Variants in PHLDB2 observed in about 807,000 individuals in gnomAD.
PHLDB2 encodes the protein pleckstrin homology like domain family B member 2.
In PHLDB2, 71 loss-of-function variants were observed where a neutral mutation model predicts 123.6. The ratio of observed to expected loss-of-function variants is 0.57; its 90% CI spans 0.47 to 0.70. PHLDB2 has a LOEUF of 0.70. Ranked by LOEUF, PHLDB2 falls within the 30% of genes least tolerant of loss-of-function variation. The probability of loss-of-function intolerance (pLI) is 0.00; values close to 1 mark genes in which losing one functional copy is unlikely to be tolerated. For synonymous variants in PHLDB2, 547 were observed against 541.6 expected (o/e 1.01, Z -0.14); for missense variants, 1,446 against 1,519.5 (o/e 0.95, Z 0.80).
chr3:111,752,647 TTTATTTTA>T (rs1439214916), intron 1 of PHLDB2, among the ~76,000 whole-genome samples: 3 of 151,478 alleles, frequency 2.0e-5, no homozygotes, highest in African/African-American at 7.3e-5. Context: ...ATTATTTTAT[TTTATTTTA>T]TTATTATTAT....
chr3:111,868,973 A>G (rs1010465117), intron 1 of PHLDB2, among the ~76,000 whole-genome samples: 2 of 152,224 alleles, frequency 1.3e-5, no homozygotes, highest in African/African-American at 2.4e-5. Flanking sequence ...AAAAATCCCT[A>G]TGATTGATGG....
intron 2 of PHLDB2, among the ~76,000 whole-genome samples, chr3:111,895,240 G>C (rs1026164139): frequency 2.6e-5 from 4 of 152,122 alleles, no homozygotes; most frequent in Non-Finnish European, 5.9e-5. Flanking sequence ...CAAACCCTCT[G>C]TTCTTATAGT....
At chr3:111,887,544 T>G (rs10934118) in intron 2 of PHLDB2, among the ~76,000 whole-genome samples, 69,459 of 152,030 alleles carry the variant, frequency 0.46, 16,752 homozygotes, top group East Asian at 0.68. Flanking sequence ...TAATATTTCA[T>G]TTAGTTTGCA....
rs192080319 is a variant in PHLDB2 at position 111,775,585 on chromosome 3, A to G, written c.-49+42882A>G. On this transcript the variant is annotated intron_variant, in intron 1 of 17. Coordinates refer to the PHLDB2 transcript ENST00000393923. ...GGTCATCCTTCCTAGACCTTTTCCT[A>G]ATTGTTCCATTTTGTAATGTCATTC... Among the ~76,000 whole-genome samples the G allele has an allele frequency of 2.6e-4, 40 of 152,268 alleles. No homozygotes were observed. In the East Asian group the frequency reaches 3.3e-3, roughly 12 times the overall value.
chr3:111,793,090 C>T (rs1415665603), intron 1 of PHLDB2, among the ~76,000 whole-genome samples: 1 of 152,176 alleles, frequency 6.6e-6, no homozygotes, highest in Non-Finnish European at 1.5e-5. Flanking sequence ...GTGCCAAATC[C>T]AGCCAGGCTT....
intron 1 of PHLDB2, among the ~76,000 whole-genome samples, chr3:111,866,013 C>CTTTTT: frequency 2.1e-5 from 1 of 47,670 alleles, no homozygotes; most frequent in South Asian, 8.6e-4. Context: ...CCCACCCACT[C>CTTTTT]ATTTTTTTTT....
intron 2 of PHLDB2, among the ~76,000 whole-genome samples, chr3:111,886,436 GA>G (rs1329676934): frequency 1.1e-4 from 15 of 139,096 alleles, no homozygotes; most frequent in Admixed American, 9.1e-4. Flanking sequence ...AACATTATGA[GA>G]TTTTTTTTGC....
At chr3:111,773,333 T>C (rs898210265) in intron 1 of PHLDB2, among the ~76,000 whole-genome samples, 1 of 152,196 alleles carries the variant, frequency 6.6e-6, no homozygotes, top group East Asian at 1.9e-4. Context: ...CATTAAAGTA[T>C]GAGAGCTATT....
chr3:111,865,247 G>T (rs755904349), intron 1 of PHLDB2, among the ~76,000 whole-genome samples: 1 of 152,142 alleles, frequency 6.6e-6, no homozygotes, highest in African/African-American at 2.4e-5. Flanking sequence ...TGGGAATGCA[G>T]ACAAAACCTT....
At chr3:111,819,076 G>T (rs2062240599) in intron 1 of PHLDB2, among the ~76,000 whole-genome samples, 1 of 152,132 alleles carries the variant, frequency 6.6e-6, no homozygotes, top group Non-Finnish European at 1.5e-5. Flanking sequence ...CTTGTAGATG[G>T]CTGCCTTCTC....
intron 1 of PHLDB2, among the ~76,000 whole-genome samples, chr3:111,838,444 A>G (rs1576831964): frequency 6.6e-6 from 1 of 152,208 alleles, no homozygotes; most frequent in African/African-American, 2.4e-5. Context: ...AGCAAATCCA[A>G]TAATGTATCT....
chr3:111,758,925 A>G (rs962625913), intron 1 of PHLDB2, among the ~76,000 whole-genome samples: 30 of 152,104 alleles, frequency 2.0e-4, no homozygotes, highest in African/African-American at 6.3e-4. Flanking sequence ...ACAACAAGCT[A>G]TGTTTTGCTA....
Position 111,913,296 on chromosome 3 carries a change from T to TCC in PHLDB2, c.1336-19_1336-18dup, listed in dbSNP as rs773401587. The TCC allele has an allele frequency of 6.0e-6, 7 of 1,171,746 alleles. 1 individual carries two copies. The South Asian group carries it at 1.1e-4, about 18-fold the overall frequency. 72.6% of individuals were successfully genotyped at this position (1,171,746 alleles called of 1,614,324 possible). A position where few individuals can be genotyped will look rare whatever the true frequency, so the allele number is the denominator to read the frequency against. ...ATTCATTCTCACAAACCCACTGACC[T>TCC]CCCCCTCCTCCCTGTGTTCCAGGAG... is the stretch of plus-strand genomic sequence containing the variant. On this transcript the variant is annotated intron_variant, in intron 2 of 17. Coordinates refer to ENST00000431670, the MANE Select transcript of PHLDB2 (RefSeq NM_001134438.2).
intron 12 of PHLDB2, among the ~76,000 whole-genome samples, chr3:111,955,603 T>C (rs2071003967): frequency 6.6e-6 from 1 of 152,084 alleles, no homozygotes; most frequent in South Asian, 2.1e-4. Context: ...AGGTGTGTGC[T>C]ACCACACCTG....
intron 1 of PHLDB2, among the ~76,000 whole-genome samples, chr3:111,871,513 G>T (rs927619435): frequency 6.6e-6 from 1 of 152,106 alleles, no homozygotes; most frequent in Non-Finnish European, 1.5e-5. Context: ...AAATAGCCAG[G>T]TGTGGTGGCC....
intron 1 of PHLDB2, among the ~76,000 whole-genome samples, chr3:111,877,760 G>C (rs886561618): frequency 1.8e-4 from 27 of 152,172 alleles, no homozygotes; most frequent in Non-Finnish European, 2.5e-4. Flanking sequence ...GTAAAGAAGG[G>C]ATCCAGTTTC....
At chr3:111,947,270 A>G (rs1388804527) in intron 9 of PHLDB2, among the ~76,000 whole-genome samples, 1 of 151,572 alleles carries the variant, frequency 6.6e-6, no homozygotes, top group Non-Finnish European at 1.5e-5. Flanking sequence ...TATTTCCTGC[A>G]GACATTCTGA....
chr3:111,831,005 G>GAAAGAAAGAAAGAAAGAAAGA (rs1225389175), intron 1 of PHLDB2, among the ~76,000 whole-genome samples: 1 of 92,848 alleles, frequency 1.1e-5, no homozygotes, highest in Non-Finnish European at 2.0e-5. Flanking sequence ...AAGAAAGAAA[G>GAAAGAAAGAAAGAAAGAAAGA]AAAGAAAGAA....
chr3:111,836,641 T>G (rs912541483), intron 1 of PHLDB2, among the ~76,000 whole-genome samples: 1 of 152,052 alleles, frequency 6.6e-6, no homozygotes, highest in Non-Finnish European at 1.5e-5. Flanking sequence ...GGGCAATTTA[T>G]AAAGGAAAAA....
Sources: allele counts gnomAD v4.1 joint callset (sites outside exome capture counted in the v4.1 genomes callset), GRCh38; gene constraint gnomAD v4.1.1; transcripts MANE v1.5; gene names NCBI Gene and HGNC (gene_info 2026-07-23, HGNC 2026-07-21).